Variants in ARHGAP26 observed in about 807,000 individuals in gnomAD.
ARHGAP26 encodes the protein rho GTPase-activating protein 26.
ARHGAP26 carries 38 observed loss-of-function variants against 104.8 expected under a neutral mutation model. The ratio of observed to expected loss-of-function variants is 0.36; its 90% CI spans 0.28 to 0.48. The LOEUF is 0.48. Among genes scored for constraint, ARHGAP26 ranks in the 20% least tolerant of loss-of-function variants. The pLI is 0.99. For synonymous variants in ARHGAP26, 341 were observed against 340.0 expected, an observed-to-expected ratio of 1.00 and a Z score of -0.03; for missense variants, 704 against 947.9, an observed-to-expected ratio of 0.74 and a Z score of 3.38.
At position 142,985,017 on chromosome 5, in the gene ARHGAP26, A is replaced by G. The variant is rs1462838544; in HGVS notation, c.1108-29063A>G. 2.6e-5 allele frequency among the ~76,000 whole-genome samples: 4 copies of G among 152,106 alleles called. No homozygotes were observed. In the East Asian group the frequency reaches 7.7e-4, roughly 29 times the overall value. On this transcript the variant is annotated intron_variant, in intron 11 of 22. Coordinates refer to ENST00000645722, the MANE Select transcript of ARHGAP26 (RefSeq NM_001135608.3). ...CATAGACGACAGCTCTATGTGTGTT[A>G]CTGCTCCTGAAGACCTTACAGTGGG... is the stretch of plus-strand genomic sequence containing the variant.
chr5:143,035,581 G>T (rs536771232), intron 12 of ARHGAP26, among the ~76,000 whole-genome samples: 1 of 152,266 alleles, frequency 6.6e-6, no homozygotes, highest in African/African-American at 2.4e-5. Flanking sequence ...TACAAATAGG[G>T]TGCTGTGTAT....
chr5:142,934,602 G>A (rs1258644027), intron 11 of ARHGAP26, among the ~76,000 whole-genome samples: 1 of 152,194 alleles, frequency 6.6e-6, no homozygotes, highest in African/African-American at 2.4e-5. Context: ...TCCCTAATGA[G>A]TTAAATCTGT....
chr5:143,110,791 C>A (rs1025852631), intron 17 of ARHGAP26, among the ~76,000 whole-genome samples: 1 of 152,170 alleles, frequency 6.6e-6, no homozygotes, highest in Non-Finnish European at 1.5e-5. Context: ...CTTCTCTGCA[C>A]GTCTTTTTAT....
chr5:143,154,037 T>C (rs1215225682), intron 20 of ARHGAP26, among the ~76,000 whole-genome samples: 3 of 152,034 alleles, frequency 2.0e-5, no homozygotes, highest in African/African-American at 7.2e-5. Context: ...TTCAGAGATA[T>C]CTCTCAAATT....
chr5:143,035,921 G>A (rs141123015), intron 12 of ARHGAP26, among the ~76,000 whole-genome samples: 2,003 of 113,702 alleles, frequency 0.018, 34 homozygotes, highest in African/African-American at 0.05. Flanking sequence ...GAGCGACAGA[G>A]TAAGACCTTG....
chr5:142,915,946 C>G (rs1762423314), intron 10 of ARHGAP26, among the ~76,000 whole-genome samples: 1 of 152,166 alleles, frequency 6.6e-6, no homozygotes, highest in African/African-American at 2.4e-5. Flanking sequence ...CACCAATGTC[C>G]TTTAGCGAGG....
chr5:143,102,428 A>G (rs1414532297), intron 17 of ARHGAP26, among the ~76,000 whole-genome samples: 2 of 152,064 alleles, frequency 1.3e-5, no homozygotes, highest in African/African-American at 4.8e-5. Flanking sequence ...TGCTTGTTTG[A>G]CTCTCCTAGA....
intron 19 of ARHGAP26, among the ~76,000 whole-genome samples, chr5:143,136,594 A>G (rs998921008): frequency 2.6e-5 from 4 of 152,166 alleles, no homozygotes; most frequent in African/African-American, 9.7e-5. Flanking sequence ...CTAGCATACT[A>G]TCCAAACCGG....
At chr5:143,178,208 C>G (rs1357654513) in intron 20 of ARHGAP26, among the ~76,000 whole-genome samples, 1 of 151,868 alleles carries the variant, frequency 6.6e-6, no homozygotes, top group Non-Finnish European at 1.5e-5. Flanking sequence ...CTATGTTGGC[C>G]AGGCTGGTCT....
At chr5:143,057,607 A>C in intron 16 of ARHGAP26, 35 bp from the exon 17 acceptor site, 1 of 1,566,174 alleles carries the variant, frequency 6.4e-7, no homozygotes, top group Non-Finnish European at 8.8e-7. Flanking sequence ...TAGCTGTGAC[A>C]CTGATAAGAT....
At chr5:142,822,604 T>C (rs1423302732) in intron 1 of ARHGAP26, among the ~76,000 whole-genome samples, 2 of 152,142 alleles carry the variant, frequency 1.3e-5, no homozygotes, top group African/African-American at 4.8e-5. Flanking sequence ...AGCTGATATA[T>C]ATGTATATGT....
Position 143,226,027 on chromosome 5 carries a change from A to G in ARHGAP26, c.*3581A>G, listed in dbSNP as rs976989220. On this transcript the variant is annotated 3_prime_UTR_variant, in exon 23 of 23. Transcript: ENST00000645722. ...GGCAGATGAGGAGAATGAATTGGTT[A>G]TCAGAGTGGAAGACCATGGCCCAGG... is the stretch of plus-strand genomic sequence containing the variant. The G allele has an allele frequency of 2.3e-5, 5 of 214,010 alleles. No homozygotes were observed. In the East Asian group the frequency reaches 3.5e-4, roughly 15 times the overall value. The allele number at this position is 214,010 out of a possible 1,614,324, so 13.3% of individuals were successfully genotyped here.
chr5:143,028,335 A>C (rs1355623383), intron 12 of ARHGAP26, among the ~76,000 whole-genome samples: 1 of 152,196 alleles, frequency 6.6e-6, no homozygotes, highest in Non-Finnish European at 1.5e-5. Context: ...AGATATTGGG[A>C]AAATCAAATA....
chr5:143,066,121 AG>A, intron 17 of ARHGAP26, among the ~76,000 whole-genome samples: 1 of 152,258 alleles, frequency 6.6e-6, no homozygotes, highest in South Asian at 2.1e-4. Flanking sequence ...TTTACTCTAT[AG>A]TTTCTATGTT....
At chr5:142,826,789 A>C (rs1767381515) in intron 1 of ARHGAP26, among the ~76,000 whole-genome samples, 1 of 152,104 alleles carries the variant, frequency 6.6e-6, no homozygotes, top group Non-Finnish European at 1.5e-5. Context: ...AAGCCCTCCC[A>C]CCTGCTACTA....
chr5:142,790,847 A>G, intron 1 of ARHGAP26, among the ~76,000 whole-genome samples: 1 of 152,130 alleles, frequency 6.6e-6, no homozygotes, highest in East Asian at 1.9e-4. Flanking sequence ...CACCTGACCT[A>G]AAGTCTCAGG....
chr5:143,038,367 A>G (rs1782951998), intron 13 of ARHGAP26, among the ~76,000 whole-genome samples: 1 of 152,212 alleles, frequency 6.6e-6, no homozygotes, highest in African/African-American at 2.4e-5. Context: ...ATGTATGGAA[A>G]CATTTTTTAA....
chr5:142,964,437 A>G (rs1391352817), intron 11 of ARHGAP26, among the ~76,000 whole-genome samples: 1 of 152,216 alleles, frequency 6.6e-6, no homozygotes, highest in East Asian at 1.9e-4. Context: ...TGAATAAGGA[A>G]ACCCTAAAAA....
chr5:142,866,686 T>C (rs1754340854), intron 1 of ARHGAP26: 2 of 152,208 alleles, frequency 1.3e-5, no homozygotes, highest in Admixed American at 1.3e-4. Context: ...AGTGCTCTGG[T>C]TGGAAAAACA....
Sources: gnomAD v4.1 joint callset for allele counts (sites outside exome capture counted in the v4.1 genomes callset) on GRCh38, gnomAD v4.1.1 for gene constraint, MANE v1.5 for transcripts, NCBI Gene and HGNC (gene_info 2026-07-23, HGNC 2026-07-21) for gene names.